Variants in NR3C2 observed in about 807,000 individuals in gnomAD.
The protein encoded by NR3C2 is mineralocorticoid receptor.
Under a neutral mutation model 86.4 loss-of-function variants are expected in NR3C2, and 15 were observed. The observed-to-expected ratio is 0.17, with a 90% CI of 0.12 to 0.27. The LOEUF (loss-of-function observed/expected upper bound fraction) is 0.27. Among genes scored for constraint, NR3C2 ranks in the 10% least tolerant of loss-of-function variants. NR3C2 has a pLI of 1.00. For synonymous variants in NR3C2, 458 were observed against 450.5 expected, an observed-to-expected ratio of 1.02 and a Z score of -0.21; for missense variants, 960 against 1,195.6, an observed-to-expected ratio of 0.80 and a Z score of 2.91.
At position 148,345,987 on chromosome 4, in the gene NR3C2, T is replaced by C. The variant is rs562816420; in HGVS notation, c.1758-85870A>G. Reference sequence around the variant, plus strand: ...GTGAAAGACTTCTCTACCAAAACCATCTGAGGGACAAAATGAATGTTGCTA... The same window carrying C: ...GTGAAAGACTTCTCTACCAAAACCACCTGAGGGACAAAATGAATGTTGCTA... On this transcript the variant is annotated intron_variant, in intron 2 of 8. Coordinates refer to ENST00000358102, the MANE Select transcript of NR3C2 (RefSeq NM_000901.5). Among the ~76,000 whole-genome samples the C allele has an allele frequency of 4.9e-4, 75 of 152,008 alleles. 1 individual carries two copies. In the South Asian group the frequency reaches 0.014, roughly 29 times the overall value.
At chr4:148,156,307 C>T (rs1324158360) in intron 4 of NR3C2, among the ~76,000 whole-genome samples, 1 of 152,156 alleles carries the variant, frequency 6.6e-6, no homozygotes, top group East Asian at 1.9e-4. Flanking sequence ...AAAGATACTA[C>T]CATCAGAGTG....
intron 3 of NR3C2, among the ~76,000 whole-genome samples, chr4:148,255,440 A>G (rs1246468745): frequency 6.6e-6 from 1 of 152,208 alleles, no homozygotes; most frequent in Admixed American, 6.5e-5. Flanking sequence ...TTGTAATTGT[A>G]TCTTTTACAG....
intron 2 of NR3C2, among the ~76,000 whole-genome samples, chr4:148,385,166 A>G (rs968899312): frequency 6.6e-6 from 1 of 152,242 alleles, no homozygotes; most frequent in African/African-American, 2.4e-5. Context: ...GCTCTGAGAA[A>G]TAAAATACCA....
chr4:148,154,666 T>C lies in NR3C2; in HGVS notation c.2250A>G (p.Val750=). The C allele has an allele frequency of 6.2e-7, 1 of 1,614,226 alleles. No homozygotes were observed. The highest frequency in any genetic ancestry group is 2.2e-5 in the East Asian group (1 of 44,878). The part of the protein sequence containing the change: ...MVLENIEPEI[V]YAGYDSSKPD... ...GTTTTGAGCTGTCATAGCCTGCATATACAATTTCAGGTTCAATGTTTTCAA... is the reference window on the plus strand; with the variant it reads ...GTTTTGAGCTGTCATAGCCTGCATACACAATTTCAGGTTCAATGTTTTCAA... The change falls in exon 5 of 9, where the codon GTA becomes GTG. Residue 750 remains valine (V), a synonymous_variant. Transcript: ENST00000358102.
Position 148,189,773 on chromosome 4 carries a change from G to T in NR3C2, c.2014+4973C>A, listed in dbSNP as rs148124291. 1.8e-3 allele frequency among the ~76,000 whole-genome samples: 268 copies of T among 152,220 alleles called. 6 individuals carry two copies. In the East Asian group the frequency reaches 0.049, roughly 28 times the overall value. The stretch of plus-strand genomic sequence containing the variant: ...CTTCCAGATTTAAGCCAGGAGGATT[G>T]TATTTTTCCAAGATTTTATCCATCT... On this transcript the variant is annotated intron_variant, in intron 4 of 8. Transcript: ENST00000358102.
chr4:148,152,975 G>T (rs1421692251), intron 5 of NR3C2, among the ~76,000 whole-genome samples: 1 of 152,246 alleles, frequency 6.6e-6, no homozygotes, highest in South Asian at 2.1e-4. Context: ...CTAAAATAAA[G>T]GGTAATTTAA....
intron 2 of NR3C2, among the ~76,000 whole-genome samples, chr4:148,416,497 A>G (rs899439641): frequency 6.6e-6 from 1 of 152,200 alleles, no homozygotes; most frequent in Non-Finnish European, 1.5e-5. Context: ...CACACAGCTG[A>G]TAAAGTGGTA....
intron 3 of NR3C2, among the ~76,000 whole-genome samples, chr4:148,239,846 CA>C (rs1203165408): frequency 1.3e-5 from 2 of 152,064 alleles, no homozygotes; most frequent in African/African-American, 4.8e-5. Context: ...GACACATTTT[CA>C]AGTGGTTTTC....
intron 2 of NR3C2, among the ~76,000 whole-genome samples, chr4:148,380,644 C>T (rs193257064): frequency 1.2e-4 from 18 of 152,256 alleles, no homozygotes; most frequent in Admixed American, 1.2e-3. Flanking sequence ...TTAGTGGGCG[C>T]GAAGTGGTAC....
At chr4:148,215,133 G>A (rs549198191) in intron 3 of NR3C2, among the ~76,000 whole-genome samples, 26 of 152,198 alleles carry the variant, frequency 1.7e-4, no homozygotes, top group South Asian at 4.2e-4. Context: ...GCTGGCATTC[G>A]GATAAATAAC....
chr4:148,444,797 C>T, upstream of NR3C2: 1 of 985,098 alleles, frequency 1.0e-6, no homozygotes, highest in East Asian at 1.1e-4. Flanking sequence ...GGCCGGGCCT[C>T]TGGCGGGCCC....
intron 3 of NR3C2, among the ~76,000 whole-genome samples, chr4:148,236,534 TAAA>T (rs901159406): frequency 6.6e-6 from 1 of 151,922 alleles, no homozygotes; most frequent in Non-Finnish European, 1.5e-5. Flanking sequence ...CTCTTACACT[TAAA>T]AAAAGGTCAG....
At chr4:148,130,311 C>A (rs937424438) in intron 6 of NR3C2, among the ~76,000 whole-genome samples, 1 of 152,158 alleles carries the variant, frequency 6.6e-6, no homozygotes, top group Admixed American at 6.5e-5. Flanking sequence ...TGCCAAAGCA[C>A]AAAAGCTTCC....
intron 2 of NR3C2, among the ~76,000 whole-genome samples, chr4:148,380,426 C>T (rs1248722923): frequency 2.0e-5 from 3 of 152,118 alleles, no homozygotes; most frequent in Admixed American, 6.5e-5. Flanking sequence ...TATGAACATT[C>T]GTGTGCAAGT....
At chr4:148,287,833 G>A (rs903907898) in intron 2 of NR3C2, among the ~76,000 whole-genome samples, 3 of 152,062 alleles carry the variant, frequency 2.0e-5, no homozygotes, top group Non-Finnish European at 2.9e-5. Flanking sequence ...TGTCTCGACT[G>A]CATCATTCAG....
chr4:148,093,730 G>A (rs1731157590), intron 8 of NR3C2, among the ~76,000 whole-genome samples: 1 of 152,132 alleles, frequency 6.6e-6, no homozygotes, highest in Admixed American at 6.5e-5. Context: ...TTGTGAATAT[G>A]GGAAAATGAC....
intron 6 of NR3C2, among the ~76,000 whole-genome samples, chr4:148,128,088 A>T (rs558372985): frequency 4.6e-5 from 7 of 152,350 alleles, no homozygotes; most frequent in Non-Finnish European, 8.8e-5. Context: ...GAAAAAGCCC[A>T]TTAAAATCCG....
chr4:148,443,393 A>G (rs540840855), upstream of NR3C2, among the ~76,000 whole-genome samples: 2 of 150,942 alleles, frequency 1.3e-5, no homozygotes, highest in South Asian at 4.2e-4. Context: ...CTTACCATCG[A>G]GGATATTCAC....
chr4:148,241,423 C>T (rs1268429265), intron 3 of NR3C2, among the ~76,000 whole-genome samples: 1 of 149,784 alleles, frequency 6.7e-6, no homozygotes, highest in Non-Finnish European at 1.5e-5. Context: ...ACTCTAATGG[C>T]ACACTTATTT....
Sources: allele counts gnomAD v4.1 joint callset (sites outside exome capture counted in the v4.1 genomes callset), GRCh38; gene constraint gnomAD v4.1.1; transcripts MANE v1.5; gene names NCBI Gene and HGNC (gene_info 2026-07-23, HGNC 2026-07-21).